DLG2: variants seen among roughly 807,000 people sequenced by gnomAD.
DLG2 encodes the protein discs large MAGUK scaffold protein 2, also known as disks large homolog 2.
Under a neutral mutation model 132.5 loss-of-function variants are expected in DLG2, and 45 were observed. The observed-to-expected ratio is 0.34, with a 90% CI of 0.27 to 0.44. The LOEUF is 0.44. Ranked by LOEUF, DLG2 falls within the 20% of genes least tolerant of loss-of-function variation. DLG2 has a pLI of 1.00. For synonymous variants in DLG2, 424 were observed against 419.6 expected (o/e 1.01, Z -0.13); for missense variants, 1,045 against 1,196.9 (o/e 0.87, Z 1.87).
At chr11:84,714,581 CTTTCTCTTTCTCTTTCTTTCTCTT>C (rs2060869515) in intron 6 of DLG2, among the ~76,000 whole-genome samples, 1 of 133,054 alleles carries the variant, frequency 7.5e-6, no homozygotes, top group African/African-American at 3.4e-5. Context: ...TTCTCTTTCT[CTTTCTCTTTCTCTTTCTTTCTCTT>C]TCTCTTTCTC....
intron 4 of DLG2, among the ~76,000 whole-genome samples, chr11:85,186,167 C>G (rs1279017034): frequency 6.6e-6 from 1 of 151,826 alleles, no homozygotes; most frequent in Non-Finnish European, 1.5e-5. Flanking sequence ...ATAATATGAA[C>G]CACAATTGTG....
rs778365254 is a variant in DLG2, at chr11:83,461,980, A to C, written c.2821+22T>G. 7.4e-6 allele frequency: 11 copies of C among 1,493,354 alleles called. No homozygotes were observed. In the African/African-American group the frequency reaches 1.1e-4, roughly 15 times the overall value. The allele number at this position is 1,493,354 out of a possible 1,614,324, so 92.5% of individuals were successfully genotyped here. On this transcript the variant is annotated intron_variant, in intron 27 of 27. Transcript: ENST00000376104. ...GACAATTTATCCCCTTTCTCACACTACCAGGGTAAAAGTGAACTTACCTGT... is the reference window on the plus strand; with the variant it reads ...GACAATTTATCCCCTTTCTCACACTCCCAGGGTAAAAGTGAACTTACCTGT...
intron 15 of DLG2, among the ~76,000 whole-genome samples, chr11:83,917,172 T>G (rs1256427865): frequency 3.9e-5 from 6 of 152,154 alleles, no homozygotes; most frequent in Non-Finnish European, 7.4e-5. Context: ...ACCACTGACA[T>G]TTGCTTAGCA....
intron 5 of DLG2, among the ~76,000 whole-genome samples, chr11:85,136,437 C>T (rs777517598): frequency 1.2e-4 from 18 of 152,104 alleles, no homozygotes; most frequent in South Asian, 8.3e-4. Context: ...TCAAGGGAAA[C>T]ATTATGTTGT....
intron 6 of DLG2, among the ~76,000 whole-genome samples, chr11:84,581,636 G>A (rs907220093): frequency 6.6e-6 from 1 of 152,006 alleles, no homozygotes; most frequent in African/African-American, 2.4e-5. Context: ...ATTTTTAAAA[G>A]TTAATTTAAC....
At chr11:84,431,308 A>G (rs1295504232) in intron 7 of DLG2, among the ~76,000 whole-genome samples, 1 of 152,206 alleles carries the variant, frequency 6.6e-6, no homozygotes, top group Non-Finnish European at 1.5e-5. Flanking sequence ...AGGATGTCTA[A>G]TCATAGTCAC....
At chr11:84,346,218 C>T (rs1319356220) in intron 7 of DLG2, among the ~76,000 whole-genome samples, 2 of 152,316 alleles carry the variant, frequency 1.3e-5, no homozygotes, top group Admixed American at 6.5e-5. Flanking sequence ...TCAAATGGAT[C>T]TGACCATTCC....
chr11:84,850,753 G>C (rs1599740247), intron 6 of DLG2, among the ~76,000 whole-genome samples: 1 of 151,702 alleles, frequency 6.6e-6, no homozygotes, highest in Admixed American at 6.6e-5. Context: ...CACTAACAAT[G>C]AATAATCCAA....
At position 85,289,417 on chromosome 11, in the gene DLG2, T is replaced by C. The variant is rs142147058; in HGVS notation, c.41-4052A>G. On this transcript the variant is annotated intron_variant, in intron 3 of 27. Coordinates refer to ENST00000376104, the MANE Select transcript of DLG2 (RefSeq NM_001142699.3). ...CCTTCAATGCCCAGTTCCAGTTCAG[T>C]GTGTGTAAAAACAATATTTGAAGTC... Among the ~76,000 whole-genome samples, 532 of 152,214 alleles carry C rather than the reference T, an allele frequency of 3.5e-3. 4 individuals carry two copies. Among genetic ancestry groups the C allele is most frequent in the African/African-American group, 0.011 (474 of 41,550 alleles).
At chr11:84,577,112 T>C (rs2154528558) in intron 6 of DLG2, among the ~76,000 whole-genome samples, 1 of 152,300 alleles carries the variant, frequency 6.6e-6, no homozygotes, top group Admixed American at 6.5e-5. Context: ...GCTGCTGACA[T>C]GTAAGAAATG....
intron 3 of DLG2, among the ~76,000 whole-genome samples, chr11:85,477,763 T>A (rs1565552674): frequency 6.6e-6 from 1 of 152,220 alleles, no homozygotes; most frequent in Non-Finnish European, 1.5e-5. Flanking sequence ...ATGGAAGATA[T>A]TTCAAACTAT....
chr11:83,716,646 C>G (rs890640052), intron 18 of DLG2, among the ~76,000 whole-genome samples: 22 of 152,136 alleles, frequency 1.4e-4, no homozygotes, highest in Non-Finnish European at 2.5e-4. Flanking sequence ...CAGATAGAAA[C>G]CAAAGATCGA....
At chr11:84,111,424 T>C (rs1043808248) in intron 9 of DLG2, among the ~76,000 whole-genome samples, 1 of 152,220 alleles carries the variant, frequency 6.6e-6, no homozygotes, top group African/African-American at 2.4e-5. Context: ...TCTCTTTCTC[T>C]AGATCCTCAG....
intron 14 of DLG2, among the ~76,000 whole-genome samples, chr11:83,955,397 T>C (rs183499705): frequency 4.6e-5 from 7 of 152,264 alleles, no homozygotes; most frequent in Non-Finnish European, 8.8e-5. Context: ...TTTTCCACCA[T>C]ACTTGACTAA....
intron 18 of DLG2, among the ~76,000 whole-genome samples, chr11:83,659,299 CAGAG>C (rs928196124): frequency 2.0e-5 from 3 of 151,604 alleles, no homozygotes; most frequent in South Asian, 2.1e-4. Flanking sequence ...GTTAATAAAA[CAGAG>C]AGAGAGAGAG....
At chr11:83,918,149 C>T (rs1829001355) in intron 15 of DLG2, among the ~76,000 whole-genome samples, 2 of 152,038 alleles carry the variant, frequency 1.3e-5, no homozygotes, top group Non-Finnish European at 2.9e-5. Context: ...CCATGGCATT[C>T]CATGAAAGAG....
At chr11:83,809,786 G>A (rs1158101390) in intron 17 of DLG2, among the ~76,000 whole-genome samples, 1 of 152,072 alleles carries the variant, frequency 6.6e-6, no homozygotes, top group Non-Finnish European at 1.5e-5. Flanking sequence ...ATGGCCCTAA[G>A]ATACAAAATA....
intron 6 of DLG2, among the ~76,000 whole-genome samples, chr11:84,906,232 T>C (rs1324392891): frequency 1.7e-5 from 2 of 120,606 alleles, no homozygotes; most frequent in Non-Finnish European, 3.7e-5. Context: ...CAAGTTTTGG[T>C]TTTTTTGTTT....
chr11:84,784,159 A>G (rs1254402076), intron 6 of DLG2, among the ~76,000 whole-genome samples: 1 of 143,686 alleles, frequency 7.0e-6, no homozygotes, highest in Non-Finnish European at 1.5e-5. Context: ...AAAAAAAAAA[A>G]AAAAAAAAAA....
Sources: allele counts gnomAD v4.1 joint callset (sites outside exome capture counted in the v4.1 genomes callset), GRCh38; gene constraint gnomAD v4.1.1; transcripts MANE v1.5; gene names NCBI Gene and HGNC (gene_info 2026-07-23, HGNC 2026-07-21).